The following DLG5 variants were observed in gnomAD, a reference collection of about 807,000 sequenced individuals.
The protein encoded by DLG5 is discs large MAGUK scaffold protein 5.
In DLG5, 48 loss-of-function variants were observed where a neutral mutation model predicts 189.8. The observed-to-expected ratio is 0.25, with a 90% CI of 0.20 to 0.32. The LOEUF (loss-of-function observed/expected upper bound fraction) is 0.32. DLG5 is among the 10% of genes least tolerant of loss of function. DLG5 has a pLI of 1.00. For synonymous variants in DLG5, 1,016 were observed against 1,054.1 expected (o/e 0.96, Z 0.70); for missense variants, 2,160 against 2,544.7 (o/e 0.85, Z 3.25).
chr10:77,919,538 G>A (rs1846472930), intron 1 of DLG5, among the ~76,000 whole-genome samples: 1 of 142,350 alleles, frequency 7.0e-6, no homozygotes, highest in South Asian at 2.2e-4. Context: ...AAAAGGCTCT[G>A]CCAAGGTCAA....
chr10:77,905,928 T>C (rs1452281944), intron 1 of DLG5, among the ~76,000 whole-genome samples: 3 of 152,244 alleles, frequency 2.0e-5, no homozygotes, highest in Admixed American at 2.0e-4. Flanking sequence ...CTCTATTTCT[T>C]ATGTTTTCAC....
chr10:77,811,247 G>A lies in DLG5; in HGVS notation c.4323-13C>T. ...GTCCAGGTGTGAGCTGGAGGCGGAGGACAGGAGGGATAAGGAGCAGTACGA... is the reference window on the plus strand; with the variant it reads ...GTCCAGGTGTGAGCTGGAGGCGGAGAACAGGAGGGATAAGGAGCAGTACGA... On this transcript the variant is annotated splice_polypyrimidine_tract_variant and intron_variant, in intron 22 of 31. Transcript: ENST00000372391. The A allele has an allele frequency of 3.1e-6, 5 of 1,611,386 alleles. No individual in the cohort carries two copies. Among genetic ancestry groups the A allele is most frequent in the Non-Finnish European group, 4.2e-6 (5 of 1,179,170 alleles).
At chr10:77,885,498 C>A (rs995091992) in intron 1 of DLG5, among the ~76,000 whole-genome samples, 10 of 152,272 alleles carry the variant, frequency 6.6e-5, no homozygotes, top group Middle Eastern at 3.4e-3. Flanking sequence ...GAGAAAAAAA[C>A]CAAAATCCAC....
chr10:77,824,067 C>T (rs957536417), intron 14 of DLG5, among the ~76,000 whole-genome samples: 1 of 152,198 alleles, frequency 6.6e-6, no homozygotes, highest in African/African-American at 2.4e-5. Flanking sequence ...TAGCTTGTAC[C>T]TCCCCCAAAT....
rs921509598 is a variant in DLG5, at chr10:77,855,828, C to G, written c.536+902G>C. 1.2e-3 allele frequency among the ~76,000 whole-genome samples: 181 copies of G among 152,310 alleles called. 2 individuals are homozygous for G. Among genetic ancestry groups the G allele is most frequent in the Admixed American group, 0.012 (176 of 15,292 alleles). On this transcript the variant is annotated intron_variant, in intron 3 of 31. Coordinates refer to ENST00000372391, the MANE Select transcript of DLG5 (RefSeq NM_004747.4). ...ACTGAAGTGTTTACACCAAGCCCCC[C>G]TCCCCTCCAGACCTCTACCAGCATG... is the stretch of plus-strand genomic sequence containing the variant.
intron 5 of DLG5, among the ~76,000 whole-genome samples, chr10:77,850,684 A>T (rs958975952): frequency 6.6e-6 from 1 of 152,228 alleles, no homozygotes; most frequent in African/African-American, 2.4e-5. Flanking sequence ...TGGATGAGGC[A>T]GATTTAAACC....
At position 77,846,889 on chromosome 10, in the gene DLG5, A is replaced by G. The variant is rs904053889; in HGVS notation, c.865-3183T>C. On this transcript the variant is annotated intron_variant, in intron 5 of 31. Transcript: ENST00000372391. ...CAGCGGCTTCCCGCCTTCCCAGCTC[A>G]GAAACAAACTCATTCCAAAGGCAGC... Among the ~76,000 whole-genome samples, 7 of 152,212 alleles carry G rather than the reference A, an allele frequency of 4.6e-5. No homozygotes were observed. The South Asian group carries it at 6.2e-4, about 14-fold the overall frequency.
chr10:77,842,795 T>C (rs1843488895), intron 6 of DLG5, among the ~76,000 whole-genome samples: 1 of 152,246 alleles, frequency 6.6e-6, no homozygotes, highest in Admixed American at 6.5e-5. Flanking sequence ...AAACTCTGCA[T>C]CTTGGCCCCC....
At chr10:77,891,169 A>G (rs1845595489) in intron 1 of DLG5, among the ~76,000 whole-genome samples, 1 of 152,104 alleles carries the variant, frequency 6.6e-6, no homozygotes, top group Non-Finnish European at 1.5e-5. Context: ...CTATGGTTCT[A>G]GCTGATGTCT....
At chr10:77,833,794 A>C in intron 9 of DLG5, 120 bp downstream of exon 9, 2 of 1,425,772 alleles carry the variant, frequency 1.4e-6, no homozygotes, top group Non-Finnish European at 1.9e-6. Flanking sequence ...ACAAACAGCC[A>C]GCTCGACGCA....
chr10:77,926,356 C>T lies in DLG5; in HGVS notation c.165G>A (p.Leu55=). 1.9e-6 allele frequency: 3 copies of T among 1,602,102 alleles called. No individual in the cohort carries two copies. The highest frequency in any genetic ancestry group is 8.5e-7 in the Non-Finnish European group (1 of 1,175,968). The change falls in exon 1 of 32, where the codon CTG becomes CTA. Residue 55 remains leucine, a synonymous_variant. Coordinates refer to ENST00000372391, the MANE Select transcript of DLG5 (RefSeq NM_004747.4). The surrounding 1 kb of genome is among the most constrained non-coding windows in gnomAD (Gnocchi z 5.2). ...CCTTGGCCAAGAGCAGCTTGAGCAG[C>T]AGCTCCGCCTTGGCGCCTCCCGCCT... The part of the protein sequence containing the change: ...DEEAGGAKAE[L]LLKLLLAKER...
At chr10:77,857,753 C>A (rs11002316) in intron 2 of DLG5, among the ~76,000 whole-genome samples, 1 of 152,040 alleles carries the variant, frequency 6.6e-6, no homozygotes, top group Non-Finnish European at 1.5e-5. Context: ...TATATTGAAC[C>A]CTGTCAATAT....
chr10:77,904,350 A>G (rs570847236), intron 1 of DLG5, among the ~76,000 whole-genome samples: 31 of 152,078 alleles, frequency 2.0e-4, no homozygotes, highest in Non-Finnish European at 3.8e-4. Context: ...GAGACTTTGG[A>G]CTGTGGACTT....
intron 1 of DLG5, among the ~76,000 whole-genome samples, chr10:77,900,666 G>A (rs1012357480): frequency 6.6e-6 from 1 of 152,222 alleles, no homozygotes; most frequent in African/African-American, 2.4e-5. Flanking sequence ...CCTGGGCACA[G>A]TGGCTCACAC....
At chr10:77,898,728 T>C (rs1458203324) in intron 1 of DLG5, among the ~76,000 whole-genome samples, 3 of 152,198 alleles carry the variant, frequency 2.0e-5, no homozygotes, top group Admixed American at 2.0e-4. Flanking sequence ...GCCCCCTCCA[T>C]GGCCTGGCTC....
At chr10:77,799,224 G>T (rs148262855) in intron 27 of DLG5, among the ~76,000 whole-genome samples, 84 of 152,338 alleles carry the variant, frequency 5.5e-4, no homozygotes, top group African/African-American at 1.9e-3. Context: ...GGTCCTGGGG[G>T]TTCCAACCTT....
chr10:77,897,858 T>TGAA (rs148847489), intron 1 of DLG5, among the ~76,000 whole-genome samples: 7,605 of 152,128 alleles, frequency 0.05, 352 homozygotes, highest in East Asian at 0.26. Context: ...GGAGACATGA[T>TGAA]GAAGTTTGAA....
Position 77,853,340 on chromosome 10 carries a change from G to C in DLG5, c.864+14C>G. 6.7e-7 allele frequency: 1 copy of C among 1,493,496 alleles called. No homozygotes were observed. The highest frequency in any genetic ancestry group is 1.4e-5 in the African/African-American group (1 of 72,626). 92.5% of individuals were successfully genotyped at this position (1,493,496 alleles called of 1,614,324 possible). A position where few individuals can be genotyped will look rare whatever the true frequency, so the allele number is the denominator to read the frequency against. On this transcript the variant is annotated intron_variant, in intron 5 of 31. Coordinates refer to ENST00000372391, the MANE Select transcript of DLG5 (RefSeq NM_004747.4). Reference sequence around the variant, plus strand: ...ACTTGGGAGAAATGGCCAGTCTCCAGGGGCTGGGCCTACCTGCTGCTGCTG... The same window carrying C: ...ACTTGGGAGAAATGGCCAGTCTCCACGGGCTGGGCCTACCTGCTGCTGCTG...
chr10:77,857,165 A>G (rs991606784), intron 2 of DLG5, among the ~76,000 whole-genome samples: 3 of 152,012 alleles, frequency 2.0e-5, no homozygotes, highest in Non-Finnish European at 4.4e-5. Flanking sequence ...TCTCTCCCCA[A>G]CCTGGCTTTC....
Sources: allele counts gnomAD v4.1 joint callset (sites outside exome capture counted in the v4.1 genomes callset), GRCh38; gene constraint gnomAD v4.1.1; non-coding constraint Gnocchi (gnomAD v3.1); transcripts MANE v1.5; gene names NCBI Gene and HGNC (gene_info 2026-07-23, HGNC 2026-07-21).